MYO9B: variants seen among roughly 807,000 people sequenced by gnomAD.
MYO9B encodes unconventional myosin-IXb.
In MYO9B, 71 loss-of-function variants were observed where a neutral mutation model predicts 229.5. The observed-to-expected ratio is 0.31, with a 90% CI of 0.26 to 0.38. The LOEUF (loss-of-function observed/expected upper bound fraction) is 0.38, where lower values mean the gene tolerates loss of function less well. MYO9B is among the 10% of genes least tolerant of loss of function. The probability of loss-of-function intolerance (pLI) is 1.00; values close to 1 mark genes in which losing one functional copy is unlikely to be tolerated. For missense variants in MYO9B, 2,255 were observed against 2,920.5 expected (o/e 0.77, Z 5.25); for synonymous variants, 1,185 against 1,235.8 (o/e 0.96, Z 0.86).
intron 3 of MYO9B, among the ~76,000 whole-genome samples, chr19:17,149,834 G>A (rs1205379695): frequency 6.6e-6 from 1 of 152,178 alleles, no homozygotes; most frequent in East Asian, 1.9e-4. Context: ...GATTGGGGAA[G>A]GGAAGGGGCC....
At chr19:17,096,966 A>G (rs1432640921) in intron 1 of MYO9B, among the ~76,000 whole-genome samples, 2 of 147,844 alleles carry the variant, frequency 1.4e-5, no homozygotes, top group East Asian at 4.0e-4. Flanking sequence ...CTGGGATTAC[A>G]GGCGTGAGCC....
Position 17,163,138 on chromosome 19 carries a change from T to C in MYO9B, c.1671+16T>C, listed in dbSNP as rs766873400. ...GCTGGAGCAGGTGCGGAAAGGGCTT[T>C]TTTGTCAATTTTTTGAACTTGGTAA... On this transcript the variant is annotated intron_variant, in intron 10 of 39. Transcript: ENST00000682292. 47 of 1,546,202 alleles carry C rather than the reference T, an allele frequency of 3.0e-5. No individual in the cohort carries two copies. The highest frequency in any genetic ancestry group is 1.7e-4 in the Middle Eastern group (1 of 5,982).
chr19:17,110,990 G>C (rs2057842655), intron 2 of MYO9B, among the ~76,000 whole-genome samples: 1 of 152,036 alleles, frequency 6.6e-6, no homozygotes, highest in African/African-American at 2.4e-5. Context: ...TCTGCCATCA[G>C]CCAGGCCACT....
At position 17,194,753 on chromosome 19, in the gene MYO9B, C is replaced by G. The variant is rs369492352; in HGVS notation, c.3326C>G (p.Ser1109Cys). ...CCTGAGGTGCAGCCAAGTGACAGGT[C>G]CCCCCTAGAGCACTCCTCACCTGAG... ...SEPEVQPSDR[S>C]PLEHSSPEKE... is the part of the protein sequence containing the mutation. Residue 1109 changes from serine to cysteine, a missense_variant, in exon 22 of 40, where the codon TCC becomes TGC. Physicochemically the swap from Ser to Cys is moderately radical, Grantham distance 112 (BLOSUM62 -1). This residue lies in a region of MYO9B where 679 missense variants were observed against 770.2 expected (regional missense o/e 0.88). Transcript: ENST00000682292. 2.5e-6 allele frequency: 4 copies of G among 1,613,132 alleles called. No homozygotes were observed. Among genetic ancestry groups the G allele is most frequent in the South Asian group, 1.1e-5 (1 of 91,086 alleles).
rs1364079004 is a variant in MYO9B, at chr19:17,101,914, T to C, written c.197T>C (p.Val66Ala). The C allele has an allele frequency of 6.2e-7, 1 of 1,613,512 alleles. No individual in the cohort carries two copies. The highest frequency in any genetic ancestry group is 2.2e-5 in the East Asian group (1 of 44,850). The change falls in exon 2 of 40, where the codon GTG (valine) becomes GCG (alanine). Residue 66 changes from valine to alanine, a missense_variant. Val to Ala is a moderately conservative substitution (Grantham distance 64). Around this residue, in one of 7 missense-constraint regions of MYO9B, gnomAD observed 386 missense variants for 515.2 expected, o/e 0.75. Coordinates refer to ENST00000682292, the MANE Select transcript of MYO9B (RefSeq NM_004145.4). The surrounding 1 kb of genome is among the most constrained non-coding windows in gnomAD (Gnocchi z 4.7). ...RLDGTKCYVL[V>A]EVKESGGEEW... ...GACGGCACCAAATGTTATGTGCTGG[T>C]GGAGGTCAAAGAGTCGGGAGGCGAG...
At chr19:17,095,069 T>C (rs1363591681) in intron 1 of MYO9B, among the ~76,000 whole-genome samples, 1 of 152,144 alleles carries the variant, frequency 6.6e-6, no homozygotes, top group Non-Finnish European at 1.5e-5. Context: ...CGAAACTCTG[T>C]CTCTACCAAA....
In MYO9B at chr19:17,162,979, C is replaced by T. The variant is rs568922343; in HGVS notation, c.1537-9C>T. 2.5e-6 allele frequency: 4 copies of T among 1,608,154 alleles called. No homozygotes were observed. The African/African-American group carries it at 5.3e-5, about 21-fold the overall frequency. On this transcript the variant is annotated splice_polypyrimidine_tract_variant and intron_variant, in intron 9 of 39. Coordinates refer to ENST00000682292, the MANE Select transcript of MYO9B (RefSeq NM_004145.4). ...TGCGGGCAGTGACCATTTTCTCTGT[C>T]TCTCCCAGTGCCTGTCCATTGGGGT...
intron 16 of MYO9B, 176 bp downstream of exon 16, chr19:17,184,044 G>T (rs967752629): frequency 3.0e-6 from 2 of 666,510 alleles, no homozygotes; most frequent in Admixed American, 6.1e-5. Context: ...CTCTTTATGG[G>T]TTTCCCAGAA....
chr19:17,154,217 C>A, intron 5 of MYO9B, 98 bp from the exon 6 acceptor site: 1 of 1,356,786 alleles, frequency 7.4e-7, no homozygotes, highest in Non-Finnish European at 1.0e-6. Flanking sequence ...TTCCCCTGGT[C>A]CTGGGGCCCT....
intron 7 of MYO9B, chr19:17,157,598 G>A: frequency 6.2e-6 from 1 of 160,506 alleles, no homozygotes; most frequent in Non-Finnish European, 1.4e-5. Context: ...TACAGCTTGG[G>A]GCTGGGTGCG....
In MYO9B at chr19:17,114,176, G is replaced by A. The variant is rs912136705; in HGVS notation, c.840+11619G>A. ...AACTGCTGTTTTAGGCCAACTGTAT[G>A]ACAAGATAGATTTCATTGTAACAGA... On this transcript the variant is annotated intron_variant, in intron 2 of 39. Transcript: ENST00000682292. Among the ~76,000 whole-genome samples the A allele has an allele frequency of 2.0e-5, 3 of 152,226 alleles. No homozygotes were observed. The East Asian group carries it at 5.8e-4, about 29-fold the overall frequency.
At chr19:17,209,244 G>A (rs77426712) in intron 35 of MYO9B, among the ~76,000 whole-genome samples, 7,907 of 152,284 alleles carry the variant, frequency 0.052, 233 homozygotes, top group Non-Finnish European at 0.071. Flanking sequence ...CATGTCTGGA[G>A]CCCCTGGGGC....
In MYO9B at chr19:17,193,916, T is replaced by TA. The variant is rs2073012649; in HGVS notation, c.3129-638dup. Among the ~76,000 whole-genome samples the TA allele has an allele frequency of 6.6e-6, 1 of 151,800 alleles. No homozygotes were observed. The highest frequency in any genetic ancestry group is 2.4e-5 in the African/African-American group (1 of 41,136). Reference sequence around the variant, plus strand: ...GGCTGGGCATAGTGGCTCACACCTGTAAGGCCAGCACTTTGGGAGGCCAAG... The same window carrying TA: ...GGCTGGGCATAGTGGCTCACACCTGTAAAGGCCAGCACTTTGGGAGGCCAAG... On this transcript the variant is annotated intron_variant, in intron 21 of 39. Coordinates refer to ENST00000682292, the MANE Select transcript of MYO9B (RefSeq NM_004145.4). This position sits in a 1 kb window ranked among gnomAD's most constrained non-coding sequence, Gnocchi z 4.3.
rs1032393259 is a variant in MYO9B, at chr19:17,212,521, T to C, written c.*211T>C. ...CCCCTCGCACGCAGCCCCCAAATCA[T>C]GGACGCACCTGTGGGGAGCACCACA... On this transcript the variant is annotated 3_prime_UTR_variant, in exon 40 of 40. Coordinates refer to ENST00000682292, the MANE Select transcript of MYO9B (RefSeq NM_004145.4). This position sits in a 1 kb window ranked among gnomAD's most constrained non-coding sequence, Gnocchi z 5.4. 1.9e-6 allele frequency: 1 copy of C among 521,674 alleles called. No individual in the cohort carries two copies. Among genetic ancestry groups the C allele is most frequent in the Non-Finnish European group, 3.3e-6 (1 of 302,746 alleles). 32.3% of individuals were successfully genotyped at this position (521,674 alleles called of 1,614,324 possible). A position where few individuals can be genotyped will look rare whatever the true frequency, so the allele number is the denominator to read the frequency against.
intron 2 of MYO9B, among the ~76,000 whole-genome samples, chr19:17,137,404 A>AAAC (rs777293417): frequency 5.3e-5 from 8 of 151,906 alleles, no homozygotes; most frequent in South Asian, 2.1e-4. Context: ...TCCCTGTCTC[A>AAAC]AACAACAACA....
At position 17,213,206 on chromosome 19, in the gene MYO9B, C is replaced by T. The variant is rs1350027467; in HGVS notation, c.*896C>T. 3 of 152,340 alleles carry T rather than the reference C, an allele frequency of 2.0e-5. No individual in the cohort carries two copies. Among genetic ancestry groups the T allele is most frequent in the African/African-American group, 7.2e-5 (3 of 41,480 alleles). The allele number at this position is 152,340 out of a possible 1,614,324, so 9.4% of individuals were successfully genotyped here. ...GCCCTCCTCTCTCAGGCTTGGCCCA[C>T]TCCCCCAGACACCTGGACACGTGGC... is the stretch of plus-strand genomic sequence containing the variant. On this transcript the variant is annotated 3_prime_UTR_variant, in exon 40 of 40. Coordinates refer to ENST00000682292, the MANE Select transcript of MYO9B (RefSeq NM_004145.4).
At chr19:17,123,148 A>G (rs1035379837) in intron 2 of MYO9B, among the ~76,000 whole-genome samples, 1 of 152,208 alleles carries the variant, frequency 6.6e-6, no homozygotes, top group African/African-American at 2.4e-5. Flanking sequence ...TTGCAAGTAT[A>G]TAAAGCAAGT....
rs2073245764 is a variant in MYO9B, at chr19:17,212,742, G to A, written c.*432G>A. 6.3e-6 allele frequency: 1 copy of A among 159,206 alleles called. No homozygotes were observed. The highest frequency in any genetic ancestry group is 2.4e-5 in the African/African-American group (1 of 41,686). The allele number at this position is 159,206 out of a possible 1,614,324, so 9.9% of individuals were successfully genotyped here. On this transcript the variant is annotated 3_prime_UTR_variant, in exon 40 of 40. Coordinates refer to ENST00000682292, the MANE Select transcript of MYO9B (RefSeq NM_004145.4). This position sits in a 1 kb window ranked among gnomAD's most constrained non-coding sequence, Gnocchi z 5.4. ...CTGGACGTGAGCTGTCAGAGCAGAA[G>A]CCACTAGGCCACTGCGCGTCTGAGG...
At chr19:17,082,893 C>A (rs745462508) in intron 1 of MYO9B, among the ~76,000 whole-genome samples, 5 of 152,064 alleles carry the variant, frequency 3.3e-5, no homozygotes, top group African/African-American at 1.2e-4. Context: ...GGGGCAGGTA[C>A]GTCCTCAAGG....
Sources: allele counts gnomAD v4.1 joint callset (sites outside exome capture counted in the v4.1 genomes callset), GRCh38; gene constraint gnomAD v4.1.1; regional missense constraint gnomAD v4.1.1; non-coding constraint Gnocchi (gnomAD v3.1); transcripts MANE v1.5; gene names NCBI Gene and HGNC (gene_info 2026-07-23, HGNC 2026-07-21).